The following STAG1 variants were observed in gnomAD, a reference collection of about 807,000 sequenced individuals.
STAG1 encodes STAG1 cohesin complex component.
In STAG1, 26 loss-of-function variants were observed where a neutral mutation model predicts 170.9. The ratio of observed to expected loss-of-function variants is 0.15; its 90% CI spans 0.11 to 0.21. STAG1 has a LOEUF of 0.21. STAG1 is among the 10% of genes least tolerant of loss of function. STAG1 has a pLI of 1.00. For missense variants in STAG1, 964 were observed against 1,509.5 expected (o/e 0.64, Z 5.99); for synonymous variants, 514 against 497.7 (o/e 1.03, Z -0.44).
At chr3:136,692,508 G>A (rs1362625739) in intron 1 of STAG1, among the ~76,000 whole-genome samples, 1 of 151,808 alleles carries the variant, frequency 6.6e-6, no homozygotes, top group Non-Finnish European at 1.5e-5. Context: ...GGTAGCAAAT[G>A]CCTGTAATCC....
intron 1 of STAG1, among the ~76,000 whole-genome samples, chr3:136,674,199 G>C (rs1012706900): frequency 1.4e-5 from 2 of 137,968 alleles, no homozygotes; most frequent in Admixed American, 1.4e-4. Context: ...GGGAAGGAGG[G>C]AAGGAGGGAG....
chr3:136,671,638 T>G (rs1312016349), intron 1 of STAG1, among the ~76,000 whole-genome samples: 4 of 152,198 alleles, frequency 2.6e-5, no homozygotes, highest in Non-Finnish European at 5.9e-5. Context: ...GGCACACACC[T>G]GTAATCCCAG....
chr3:136,629,417 GA>G (rs934079034), intron 2 of STAG1, among the ~76,000 whole-genome samples: 2 of 151,780 alleles, frequency 1.3e-5, no homozygotes, highest in African/African-American at 4.8e-5. Flanking sequence ...ACAAAGAAAA[GA>G]AAGAAAATAC....
chr3:136,389,677 A>T (rs959125718), intron 22 of STAG1, among the ~76,000 whole-genome samples: 1 of 151,386 alleles, frequency 6.6e-6, no homozygotes, highest in African/African-American at 2.4e-5. Flanking sequence ...GTGCCACCAC[A>T]TCTGGTTAAT....
At chr3:136,434,160 A>C (rs1211717141) in intron 15 of STAG1, among the ~76,000 whole-genome samples, 1 of 152,178 alleles carries the variant, frequency 6.6e-6, no homozygotes. Context: ...CAATGCTTCA[A>C]TAAACATCAT....
chr3:136,612,844 T>C (rs2107818456), intron 3 of STAG1, among the ~76,000 whole-genome samples: 1 of 152,346 alleles, frequency 6.6e-6, no homozygotes, highest in South Asian at 2.1e-4. Context: ...ATAAAAAACA[T>C]TCACAAGCAG....
intron 30 of STAG1, among the ~76,000 whole-genome samples, chr3:136,342,658 G>A (rs1361683571): frequency 1.3e-5 from 2 of 152,258 alleles, no homozygotes; most frequent in African/African-American, 4.8e-5. Context: ...TTTATAGGAT[G>A]TAAACTTTAG....
chr3:136,594,937 C>T (rs1226661339), intron 4 of STAG1, among the ~76,000 whole-genome samples: 1 of 151,986 alleles, frequency 6.6e-6, no homozygotes, highest in Admixed American at 6.6e-5. Context: ...CACCTGGCTA[C>T]TTTTTGTATT....
intron 1 of STAG1, among the ~76,000 whole-genome samples, chr3:136,692,712 C>T (rs1321889631): frequency 2.6e-5 from 4 of 151,968 alleles, no homozygotes; most frequent in Admixed American, 2.6e-4. Context: ...CAAATCTCTA[C>T]CCTCAACCAT....
intron 1 of STAG1, among the ~76,000 whole-genome samples, chr3:136,642,794 G>GGT (rs1940852757): frequency 6.6e-6 from 1 of 152,166 alleles, no homozygotes; most frequent in Non-Finnish European, 1.5e-5. Context: ...CCACAATCAA[G>GGT]GTGTTGGCAG....
chr3:136,477,428 A>C lies in STAG1; in HGVS notation c.903-16T>G. 6.3e-7 allele frequency: 1 copy of C among 1,587,124 alleles called. No individual in the cohort carries two copies. Among genetic ancestry groups the C allele is most frequent in the East Asian group, 2.3e-5 (1 of 44,394 alleles). On this transcript the variant is annotated splice_polypyrimidine_tract_variant and intron_variant, in intron 9 of 33. Coordinates refer to ENST00000383202, the MANE Select transcript of STAG1 (RefSeq NM_005862.3). ...AATAGCATCACTAGAGAGAGAAAAA[A>C]AAGACAATCTCAAATTAATATACAA...
chr3:136,688,493 G>A (rs1942613754), intron 1 of STAG1, among the ~76,000 whole-genome samples: 1 of 152,096 alleles, frequency 6.6e-6, no homozygotes, highest in Non-Finnish European at 1.5e-5. Flanking sequence ...TCCGCCTCAA[G>A]CAAGCCTCCT....
At position 136,393,501 on chromosome 3, in the gene STAG1, T is replaced by C. The variant is rs114340457; in HGVS notation, c.2277+5248A>G. Among the ~76,000 whole-genome samples the C allele has an allele frequency of 9.3e-3, 1,408 of 152,142 alleles. 28 individuals carry two copies. The highest frequency in any genetic ancestry group is 0.03 in the African/African-American group (1,257 of 41,506). ...CAGCCTGGGCAACACAGCAAGATTC[T>C]GTCTCAAAACAAACAAATGAACAAA... is the stretch of plus-strand genomic sequence containing the variant. On this transcript the variant is annotated intron_variant, in intron 22 of 33. Coordinates refer to ENST00000383202, the MANE Select transcript of STAG1 (RefSeq NM_005862.3).
chr3:136,646,830 G>A (rs1297596221), intron 1 of STAG1, among the ~76,000 whole-genome samples: 3 of 151,754 alleles, frequency 2.0e-5, no homozygotes, highest in African/African-American at 7.3e-5. Context: ...CGCTTGAACT[G>A]GGACCCAGGA....
intron 1 of STAG1, among the ~76,000 whole-genome samples, chr3:136,640,626 C>A (rs1167881800): frequency 6.6e-6 from 1 of 151,098 alleles, no homozygotes; most frequent in East Asian, 1.9e-4. Flanking sequence ...GCCTCAGCCT[C>A]CCAAAGTACT....
At chr3:136,340,261 T>TA (rs908578152) in intron 32 of STAG1, among the ~76,000 whole-genome samples, 1 of 152,158 alleles carries the variant, frequency 6.6e-6, no homozygotes, top group Non-Finnish European at 1.5e-5. Flanking sequence ...TAGCTGGGAT[T>TA]ACGGGCACGT....
At chr3:136,346,631 AAC>A (rs1309260609) in intron 29 of STAG1, among the ~76,000 whole-genome samples, 29 of 152,354 alleles carry the variant, frequency 1.9e-4, no homozygotes, top group African/African-American at 6.5e-4. Context: ...AAATTTAGAT[AAC>A]AGTGTTGACT....
At chr3:136,355,413 A>G (rs1298964618) in intron 28 of STAG1, among the ~76,000 whole-genome samples, 2 of 150,164 alleles carry the variant, frequency 1.3e-5, no homozygotes, top group Non-Finnish European at 3.0e-5. Context: ...CCCAAAATGT[A>G]TGAAGCAAAA....
chr3:136,356,787 C>T (rs1014397696), intron 28 of STAG1, among the ~76,000 whole-genome samples: 5 of 152,146 alleles, frequency 3.3e-5, no homozygotes, highest in Admixed American at 6.5e-5. Context: ...GAGTCTCGCT[C>T]TGTCACCCAG....
Sources: gnomAD v4.1 joint callset for allele counts (sites outside exome capture counted in the v4.1 genomes callset) on GRCh38, gnomAD v4.1.1 for gene constraint, MANE v1.5 for transcripts, NCBI Gene and HGNC (gene_info 2026-07-23, HGNC 2026-07-21) for gene names.